Variants in RCOR1 observed in about 807,000 individuals in gnomAD.
RCOR1 encodes REST corepressor 1.
Under a neutral mutation model 64.0 loss-of-function variants are expected in RCOR1, and 12 were observed. The ratio of observed to expected loss-of-function variants is 0.19; its 90% CI spans 0.12 to 0.30. RCOR1 has a LOEUF of 0.30. Ranked by LOEUF, RCOR1 falls within the 10% of genes least tolerant of loss-of-function variation. The pLI is 1.00. For synonymous variants in RCOR1, 279 were observed against 227.2 expected (o/e 1.23, Z -2.05); for missense variants, 502 against 621.2 (o/e 0.81, Z 2.04).
At chr14:102,644,865 T>G (rs1894448171) in intron 2 of RCOR1, among the ~76,000 whole-genome samples, 1 of 152,206 alleles carries the variant, frequency 6.6e-6, no homozygotes, top group Non-Finnish European at 1.5e-5. Flanking sequence ...TGGGAATGAT[T>G]GTTTCAGGCT....
At chr14:102,664,383 GGGATTACA>G (rs1238861126) in intron 2 of RCOR1, among the ~76,000 whole-genome samples, 1 of 152,198 alleles carries the variant, frequency 6.6e-6, no homozygotes, top group Non-Finnish European at 1.5e-5. Context: ...CCAAAGTGCT[GGGATTACA>G]GGTATGAGCC....
chr14:102,655,837 C>T (rs1416709091), intron 2 of RCOR1: 3 of 332,274 alleles, frequency 9.0e-6, no homozygotes, highest in African/African-American at 4.5e-5. Context: ...TCTGTAATCC[C>T]AGCTACTCAG....
intron 2 of RCOR1, among the ~76,000 whole-genome samples, chr14:102,602,394 C>CTTT (rs66743592): frequency 9.6e-6 from 1 of 104,240 alleles, no homozygotes; most frequent in Non-Finnish European, 1.9e-5. Flanking sequence ...CTTTTCTTTT[C>CTTT]TTTTTTTTTT....
At chr14:102,659,289 G>T in intron 2 of RCOR1, 1 of 983,848 alleles carries the variant, frequency 1.0e-6, no homozygotes, top group Non-Finnish European at 1.2e-6. Flanking sequence ...CAAAACAAAT[G>T]TCTCATCTGA....
At chr14:102,703,731 C>G (rs1895792556) in intron 4 of RCOR1, among the ~76,000 whole-genome samples, 1 of 152,170 alleles carries the variant, frequency 6.6e-6, no homozygotes, top group Non-Finnish European at 1.5e-5. Flanking sequence ...ATAAATTGGA[C>G]AAGAACTTGA....
At chr14:102,694,705 A>G (rs759461015) in intron 3 of RCOR1, among the ~76,000 whole-genome samples, 1 of 152,172 alleles carries the variant, frequency 6.6e-6, no homozygotes, top group Non-Finnish European at 1.5e-5. Context: ...GAGCGTTCAG[A>G]TGTTTACTGT....
intron 2 of RCOR1, among the ~76,000 whole-genome samples, chr14:102,663,501 T>C (rs1894864483): frequency 6.6e-6 from 1 of 152,224 alleles, no homozygotes; most frequent in Non-Finnish European, 1.5e-5. Context: ...GGTACAGTAG[T>C]TAGAAGTTTT....
chr14:102,604,707 A>G (rs953132628), intron 2 of RCOR1, among the ~76,000 whole-genome samples: 1 of 152,190 alleles, frequency 6.6e-6, no homozygotes, highest in African/African-American at 2.4e-5. Context: ...AATTTTAAGT[A>G]TTATAAGAAT....
At chr14:102,658,899 G>A (rs1480987645) in intron 2 of RCOR1, among the ~76,000 whole-genome samples, 1 of 152,132 alleles carries the variant, frequency 6.6e-6, no homozygotes, top group East Asian at 1.9e-4. Context: ...GCTACTCCAT[G>A]ATTTATTGCT....
intron 2 of RCOR1, among the ~76,000 whole-genome samples, chr14:102,597,489 C>T (rs933228803): frequency 7.3e-5 from 11 of 150,690 alleles, no homozygotes; most frequent in African/African-American, 2.2e-4. Flanking sequence ...CCACCACACC[C>T]GGCTAGTTTT....
At chr14:102,609,286 G>T (rs34984173) in intron 2 of RCOR1, among the ~76,000 whole-genome samples, 5,878 of 151,732 alleles carry the variant, frequency 0.039, 128 homozygotes, top group Non-Finnish European at 0.045. Flanking sequence ...CAGGTGATCC[G>T]CCTGCCTCGG....
intron 2 of RCOR1, chr14:102,630,012 G>A: frequency 3.1e-6 from 3 of 976,238 alleles, no homozygotes; most frequent in Non-Finnish European, 3.7e-6. Flanking sequence ...GAAGTGGGGA[G>A]TCTTGGGCAG....
At chr14:102,690,249 C>T (rs11850580) in intron 3 of RCOR1, among the ~76,000 whole-genome samples, 55,501 of 151,944 alleles carry the variant, frequency 0.37, 10,989 homozygotes, top group African/African-American at 0.52. Context: ...CTATATTGTA[C>T]ATGAAAGTTT....
intron 2 of RCOR1, among the ~76,000 whole-genome samples, chr14:102,624,049 A>G (rs1893929491): frequency 6.6e-6 from 1 of 151,970 alleles, no homozygotes; most frequent in Non-Finnish European, 1.5e-5. Flanking sequence ...ACAAAACATT[A>G]GCTGGGCATG....
At chr14:102,633,688 C>T (rs570838156) in intron 2 of RCOR1, among the ~76,000 whole-genome samples, 6 of 152,222 alleles carry the variant, frequency 3.9e-5, no homozygotes, top group South Asian at 2.1e-4. Flanking sequence ...TACAGGCGTT[C>T]GCCAACACGC....
At position 102,717,731 on chromosome 14, in the gene RCOR1, T is replaced by C. The variant is rs1399509993; in HGVS notation, c.1053+3114T>C. Among the ~76,000 whole-genome samples, 7 of 152,076 alleles carry C rather than the reference T, an allele frequency of 4.6e-5. No homozygotes were observed. In the East Asian group the frequency reaches 1.2e-3, roughly 25 times the overall value. On this transcript the variant is annotated intron_variant, in intron 8 of 11. Coordinates refer to ENST00000262241, the MANE Select transcript of RCOR1 (RefSeq NM_015156.4). ...AGAAAAGAAAAAGAGGCCTTCCTCT[T>C]GCACCGAGGTGTTATTGACTCCATA... is the stretch of plus-strand genomic sequence containing the variant.
intron 3 of RCOR1, among the ~76,000 whole-genome samples, chr14:102,697,912 G>A (rs1010958089): frequency 7.9e-5 from 12 of 151,972 alleles, no homozygotes; most frequent in African/African-American, 2.9e-4. Context: ...GTAGAGATGG[G>A]GTTTCACCAT....
chr14:102,715,839 T>C (rs1437461106), intron 8 of RCOR1, among the ~76,000 whole-genome samples: 1 of 152,250 alleles, frequency 6.6e-6, no homozygotes, highest in African/African-American at 2.4e-5. Context: ...ATGTGCGTTT[T>C]GTTTGCACAT....
intron 3 of RCOR1, among the ~76,000 whole-genome samples, chr14:102,687,688 C>T (rs1348765526): frequency 6.6e-6 from 1 of 152,172 alleles, no homozygotes; most frequent in African/African-American, 2.4e-5. Flanking sequence ...CATGTGTAAT[C>T]TGGAGGGTGG....
Sources: allele counts gnomAD v4.1 joint callset (sites outside exome capture counted in the v4.1 genomes callset), GRCh38; gene constraint gnomAD v4.1.1; transcripts MANE v1.5; gene names NCBI Gene and HGNC (gene_info 2026-07-23, HGNC 2026-07-21).